The following CFAP20DC variants were observed in gnomAD, a reference collection of about 807,000 sequenced individuals.
CFAP20DC encodes protein CFAP20DC.
In CFAP20DC, 84 loss-of-function variants were observed where a neutral mutation model predicts 101.7. That is an observed-to-expected ratio of 0.83 (90% CI 0.69 to 0.99). The LOEUF (loss-of-function observed/expected upper bound fraction) is 0.99. Among genes scored for constraint, CFAP20DC ranks in the 50% least tolerant of loss-of-function variants. The pLI, the probability that CFAP20DC is intolerant of heterozygous loss-of-function variation, is 0.00. For missense variants in CFAP20DC, 1,007 were observed against 970.3 expected (o/e 1.04, Z -0.50); for synonymous variants, 359 against 351.2 (o/e 1.02, Z -0.25).
intron 12 of CFAP20DC, among the ~76,000 whole-genome samples, chr3:58,856,359 A>G (rs181649515): frequency 1.3e-5 from 2 of 151,854 alleles, no homozygotes; most frequent in East Asian, 3.9e-4. Flanking sequence ...GATAGGGTAA[A>G]GAAAAGATGT....
intron 14 of CFAP20DC, chr3:58,824,511 G>A (rs565305685): frequency 6.6e-6 from 1 of 152,228 alleles, no homozygotes; most frequent in South Asian, 2.1e-4. Context: ...AGATTTTGGG[G>A]TGAGGGAGCG....
At chr3:58,925,725 C>T (rs1462692364) in intron 5 of CFAP20DC, among the ~76,000 whole-genome samples, 1 of 152,172 alleles carries the variant, frequency 6.6e-6, no homozygotes, top group African/African-American at 2.4e-5. Context: ...TCTATTATTG[C>T]ACTGTCTAAC....
rs998146347 is a variant in CFAP20DC at position 58,988,571 on chromosome 3, A to G, written c.279-50809T>C. Among the ~76,000 whole-genome samples the G allele has an allele frequency of 2.6e-5, 4 of 152,240 alleles. No homozygotes were observed. In the East Asian group the frequency reaches 7.7e-4, roughly 29 times the overall value. On this transcript the variant is annotated intron_variant, in intron 4 of 16. Transcript: ENST00000482387. ...CATATGTCAGCTCATACTCATCTTCACTGGCTAAAGCAACTACTTCACCAT... is the reference window on the plus strand; with the variant it reads ...CATATGTCAGCTCATACTCATCTTCGCTGGCTAAAGCAACTACTTCACCAT...
At chr3:58,996,530 A>C (rs1364322455) in intron 4 of CFAP20DC, among the ~76,000 whole-genome samples, 1 of 152,234 alleles carries the variant, frequency 6.6e-6, no homozygotes, top group Admixed American at 6.5e-5. Context: ...CTTCCTCTTA[A>C]TAAGTTCCTT....
chr3:58,717,142 A>G (rs2067409698), downstream of CFAP20DC, among the ~76,000 whole-genome samples: 3 of 152,044 alleles, frequency 2.0e-5, no homozygotes, highest in African/African-American at 7.2e-5. This position sits in a 1 kb window ranked among gnomAD's most constrained non-coding sequence, Gnocchi z 4.1. Context: ...CATCAATGTA[A>G]TGAAGCAGTG....
At chr3:58,845,735 C>T (rs1319053669) in intron 13 of CFAP20DC, among the ~76,000 whole-genome samples, 5 of 150,410 alleles carry the variant, frequency 3.3e-5, no homozygotes, top group Non-Finnish European at 7.4e-5. Context: ...GACCAATATC[C>T]TTGATGAACA....
intron 4 of CFAP20DC, among the ~76,000 whole-genome samples, chr3:59,036,465 T>C (rs995600557): frequency 2.0e-5 from 3 of 152,128 alleles, no homozygotes; most frequent in Non-Finnish European, 4.4e-5. Context: ...ACAAAATCAA[T>C]GTGCAAAAAT....
chr3:58,721,363 G>A lies in CFAP20DC; in HGVS notation c.198-3735C>T, dbSNP rs2067470648. Among the ~76,000 whole-genome samples the A allele has an allele frequency of 6.6e-6, 1 of 152,158 alleles. No homozygotes were observed. Among genetic ancestry groups the A allele is most frequent in the Non-Finnish European group, 1.5e-5 (1 of 68,036 alleles). ...AGTTAATGACCTCATGGAGTTTATA[G>A]TCAGAATGAAGAGATAGACATTTTT... On this transcript the variant is annotated intron_variant, in intron 3 of 3. Transcript: ENST00000486145. The surrounding 1 kb of genome is among the most constrained non-coding windows in gnomAD (Gnocchi z 5.2).
At chr3:58,871,336 G>A (rs547792424) in intron 7 of CFAP20DC, among the ~76,000 whole-genome samples, 14 of 152,116 alleles carry the variant, frequency 9.2e-5, no homozygotes, top group Non-Finnish European at 1.5e-4. Context: ...AATGTGAAGA[G>A]CCTATTCTAA....
intron 3 of CFAP20DC, among the ~76,000 whole-genome samples, chr3:58,734,935 G>A (rs2067717532): frequency 6.6e-6 from 1 of 152,116 alleles, no homozygotes; most frequent in Non-Finnish European, 1.5e-5. Context: ...CAGATAATGG[G>A]AAATTGAAAG....
chr3:58,749,001 C>T (rs145875521), intron 16 of CFAP20DC, among the ~76,000 whole-genome samples: 15 of 152,212 alleles, frequency 9.9e-5, no homozygotes, highest in African/African-American at 3.1e-4. Context: ...CAAACAGTGC[C>T]GGGTACACAA....
chr3:58,872,104 G>A (rs1182244100), intron 7 of CFAP20DC, among the ~76,000 whole-genome samples: 1 of 152,202 alleles, frequency 6.6e-6, no homozygotes, highest in Admixed American at 6.5e-5. Flanking sequence ...GCAGGTGAGG[G>A]TGATAGCCTT....
chr3:58,848,274 C>T (rs1017023192), intron 13 of CFAP20DC, among the ~76,000 whole-genome samples: 1 of 152,056 alleles, frequency 6.6e-6, no homozygotes, highest in Non-Finnish European at 1.5e-5. Flanking sequence ...CTACTACCTA[C>T]ACCAGGTAAC....
chr3:58,969,415 G>A (rs2091807535), intron 4 of CFAP20DC, among the ~76,000 whole-genome samples: 1 of 152,106 alleles, frequency 6.6e-6, no homozygotes, highest in Non-Finnish European at 1.5e-5. Context: ...CAGCCTCTTT[G>A]GAAACAGTTT....
At chr3:58,763,899 G>T (rs922814492) in intron 15 of CFAP20DC, among the ~76,000 whole-genome samples, 2 of 152,186 alleles carry the variant, frequency 1.3e-5, no homozygotes, top group Non-Finnish European at 2.9e-5. Context: ...TCCTCTGGAA[G>T]TTTTATCTCA....
chr3:58,775,478 A>C (rs2071240924), intron 15 of CFAP20DC, among the ~76,000 whole-genome samples: 1 of 152,172 alleles, frequency 6.6e-6, no homozygotes, highest in Non-Finnish European at 1.5e-5. Context: ...TTGCTAACTA[A>C]CTACCACAAA....
intron 4 of CFAP20DC, among the ~76,000 whole-genome samples, chr3:58,973,419 C>A (rs2092071453): frequency 6.6e-6 from 1 of 152,228 alleles, no homozygotes; most frequent in East Asian, 1.9e-4. Flanking sequence ...CTTGCCCAGG[C>A]ACCACACAGT....
chr3:58,745,261 A>G (rs959755708), intron 16 of CFAP20DC, among the ~76,000 whole-genome samples: 1 of 152,178 alleles, frequency 6.6e-6, no homozygotes, highest in Admixed American at 6.5e-5. Flanking sequence ...TTATGCCTTT[A>G]AAGTTTGGAC....
intron 5 of CFAP20DC, among the ~76,000 whole-genome samples, chr3:58,932,199 GAAGT>G (rs1490027102): frequency 6.6e-6 from 1 of 152,162 alleles, no homozygotes; most frequent in Non-Finnish European, 1.5e-5. Context: ...TGAATGAAAT[GAAGT>G]GAGTAGGGAA....
Sources: gnomAD v4.1 joint callset for allele counts (sites outside exome capture counted in the v4.1 genomes callset) on GRCh38, gnomAD v4.1.1 for gene constraint, Gnocchi (gnomAD v3.1) non-coding constraint, MANE v1.5 for transcripts, NCBI Gene and HGNC (gene_info 2026-07-23, HGNC 2026-07-21) for gene names.